CSMD3: variants seen among roughly 807,000 people sequenced by gnomAD.
The protein encoded by CSMD3 is CUB and sushi domain-containing protein 3.
A neutral mutation model predicts 435.2 loss-of-function variants in CSMD3; 177 were observed. The observed-to-expected ratio is 0.41, with a 90% CI of 0.36 to 0.46. CSMD3 has a LOEUF of 0.46. CSMD3 is among the 20% of genes least tolerant of loss of function. The pLI is 0.34. For missense variants in CSMD3, 4,265 were observed against 4,504.6 expected (o/e 0.95, Z 1.52); for synonymous variants, 1,656 against 1,520.5 (o/e 1.09, Z -2.07).
intron 59 of CSMD3, among the ~76,000 whole-genome samples, chr8:112,270,625 A>AT (rs994495198): frequency 2.0e-5 from 3 of 152,202 alleles, no homozygotes; most frequent in African/African-American, 7.2e-5. Flanking sequence ...TGTTTAAATG[A>AT]TTTTTTATTA....
chr8:113,260,807 G>A (rs1300343247), intron 3 of CSMD3, among the ~76,000 whole-genome samples: 2 of 152,094 alleles, frequency 1.3e-5, no homozygotes, highest in African/African-American at 4.8e-5. Context: ...TCCCATTTGT[G>A]AGTGAGAACA....
intron 3 of CSMD3, among the ~76,000 whole-genome samples, chr8:113,256,988 T>C (rs1451104551): frequency 2.6e-5 from 4 of 152,146 alleles, no homozygotes; most frequent in Non-Finnish European, 5.9e-5. Flanking sequence ...AAGCCCTGAT[T>C]TACATGAATG....
At chr8:113,118,834 G>C (rs2131626745) in intron 4 of CSMD3, among the ~76,000 whole-genome samples, 1 of 152,176 alleles carries the variant, frequency 6.6e-6, no homozygotes, top group African/African-American at 2.4e-5. Context: ...TACTCCCTCT[G>C]GCAAAATTGC....
chr8:113,027,843 C>T (rs1390729859), intron 5 of CSMD3, among the ~76,000 whole-genome samples: 1 of 151,932 alleles, frequency 6.6e-6, no homozygotes, highest in East Asian at 1.9e-4. Flanking sequence ...AAAAATGGAT[C>T]TTATAGATCT....
At chr8:112,288,435 G>A (rs975072906) in intron 57 of CSMD3, among the ~76,000 whole-genome samples, 6 of 151,932 alleles carry the variant, frequency 3.9e-5, no homozygotes, top group Non-Finnish European at 7.4e-5. Flanking sequence ...CAAAGTCCCA[G>A]GCAGTCACTT....
intron 27 of CSMD3, among the ~76,000 whole-genome samples, chr8:112,531,923 T>A (rs1171667907): frequency 6.6e-6 from 1 of 152,052 alleles, no homozygotes; most frequent in African/African-American, 2.4e-5. Context: ...ATATGCAACC[T>A]TTTGGTGCAT....
chr8:113,086,700 G>A (rs1267219380), intron 5 of CSMD3, among the ~76,000 whole-genome samples: 1 of 152,082 alleles, frequency 6.6e-6, no homozygotes, highest in Non-Finnish European at 1.5e-5. Flanking sequence ...ATTTGCAAAA[G>A]ACATTGAAAG....
chr8:112,880,469 A>G (rs2081415375), intron 10 of CSMD3, among the ~76,000 whole-genome samples: 1 of 152,086 alleles, frequency 6.6e-6, no homozygotes, highest in Non-Finnish European at 1.5e-5. Flanking sequence ...ATTTTAGAGA[A>G]GGCATCCTGG....
At chr8:112,532,789 C>A (rs1194430191) in intron 27 of CSMD3, among the ~76,000 whole-genome samples, 1 of 152,056 alleles carries the variant, frequency 6.6e-6, no homozygotes, top group Non-Finnish European at 1.5e-5. Context: ...AGTTCACAGA[C>A]AAATTCAGAA....
At chr8:112,837,227 T>C (rs1168122436) in intron 11 of CSMD3, among the ~76,000 whole-genome samples, 3 of 151,824 alleles carry the variant, frequency 2.0e-5, no homozygotes, top group Non-Finnish European at 4.4e-5. Context: ...CTGTATTTGT[T>C]AATTCAAAAT....
intron 12 of CSMD3, among the ~76,000 whole-genome samples, chr8:112,819,911 C>A (rs2079481400): frequency 6.6e-6 from 1 of 152,056 alleles, no homozygotes; most frequent in African/African-American, 2.4e-5. Flanking sequence ...CAGCTATTTC[C>A]ACTTGACTAT....
At chr8:112,547,296 T>G (rs923686151) in intron 27 of CSMD3, among the ~76,000 whole-genome samples, 2 of 152,018 alleles carry the variant, frequency 1.3e-5, no homozygotes, top group Non-Finnish European at 2.9e-5. Context: ...GACAAAGGTA[T>G]CCATGATATT....
chr8:113,007,363 G>A (rs890930640), intron 6 of CSMD3, among the ~76,000 whole-genome samples: 6 of 151,896 alleles, frequency 4.0e-5, no homozygotes, highest in Admixed American at 1.3e-4. Flanking sequence ...TTAACATGAG[G>A]TCTCTAGAGG....
rs756548705 is a variant in CSMD3, at chr8:112,517,141, A to G, written c.4649T>C (p.Val1550Ala). 6.2e-7 allele frequency: 1 copy of G among 1,613,780 alleles called. No homozygotes were observed. Among genetic ancestry groups the G allele is most frequent in the Non-Finnish European group, 8.5e-7 (1 of 1,179,798 alleles). Reference protein sequence around the residue: ...NGDGREPGDTVVFQCDPGYEL... With the variant: ...NGDGREPGDTAVFQCDPGYEL... ...ATATCCTGGGTCACATTGAAAAACAACAGTGTCCCCAGGTTCTCTTCCATC... is the reference window on the plus strand; with the variant it reads ...ATATCCTGGGTCACATTGAAAAACAGCAGTGTCCCCAGGTTCTCTTCCATC... Residue 1550 changes from valine to alanine, a missense_variant, in exon 28 of 71, where the codon GTT (valine) becomes GCT (alanine). Val to Ala is a moderately conservative substitution (Grantham distance 64). This residue lies in a region of CSMD3 where 3,255 missense variants were observed against 3,380.2 expected (regional missense o/e 0.96). Coordinates refer to ENST00000297405, the MANE Select transcript of CSMD3 (RefSeq NM_198123.2).
chr8:113,043,032 A>T (rs565687876), intron 5 of CSMD3, among the ~76,000 whole-genome samples: 1 of 152,220 alleles, frequency 6.6e-6, no homozygotes, highest in African/African-American at 2.4e-5. Flanking sequence ...TTATTATAAT[A>T]GCATCCTAAC....
chr8:112,906,446 G>A (rs777137311), intron 10 of CSMD3, among the ~76,000 whole-genome samples: 33 of 150,954 alleles, frequency 2.2e-4, no homozygotes, highest in Non-Finnish European at 3.0e-4. Context: ...CTTCAAAAAA[G>A]CAAGCAAGCA....
chr8:113,037,671 GT>G (rs1309160597), intron 5 of CSMD3, among the ~76,000 whole-genome samples: 1 of 151,874 alleles, frequency 6.6e-6, no homozygotes, highest in African/African-American at 2.4e-5. Context: ...CTTTTTTGCT[GT>G]TTTTAATTTT....
intron 3 of CSMD3, among the ~76,000 whole-genome samples, chr8:113,195,825 A>C (rs897686096): frequency 6.8e-6 from 1 of 146,718 alleles, no homozygotes; most frequent in African/African-American, 2.5e-5. Context: ...ACACACACAC[A>C]CACACACACA....
At chr8:112,929,845 C>T (rs116398411) in intron 9 of CSMD3, among the ~76,000 whole-genome samples, 2,692 of 151,898 alleles carry the variant, frequency 0.018, 78 homozygotes, top group African/African-American at 0.062. Context: ...TAATTAAAAG[C>T]TTAAATAATT....
Sources: allele counts gnomAD v4.1 joint callset (sites outside exome capture counted in the v4.1 genomes callset), GRCh38; gene constraint gnomAD v4.1.1; regional missense constraint gnomAD v4.1.1; transcripts MANE v1.5; gene names NCBI Gene and HGNC (gene_info 2026-07-23, HGNC 2026-07-21).